Variants in RIMS2 observed in about 807,000 individuals in gnomAD.
The protein encoded by RIMS2 is regulating synaptic membrane exocytosis protein 2.
In RIMS2, 59 loss-of-function variants were observed where a neutral mutation model predicts 174.4. The ratio of observed to expected loss-of-function variants is 0.34; its 90% CI spans 0.27 to 0.42. The LOEUF (loss-of-function observed/expected upper bound fraction) is 0.42. Among genes scored for constraint, RIMS2 ranks in the 10% least tolerant of loss-of-function variants. The pLI is 1.00. For synonymous variants in RIMS2, 606 were observed against 572.5 expected (o/e 1.06, Z -0.84); for missense variants, 1,620 against 1,666.3 (o/e 0.97, Z 0.48).
At chr8:104,017,866 G>A (rs1160400945) in intron 19 of RIMS2, among the ~76,000 whole-genome samples, 4 of 151,842 alleles carry the variant, frequency 2.6e-5, no homozygotes, top group Admixed American at 1.3e-4. Context: ...GCTTGAGCTC[G>A]GGAGTTCAAG....
intron 2 of RIMS2, among the ~76,000 whole-genome samples, chr8:103,760,733 C>T (rs1401967927): frequency 6.6e-6 from 1 of 152,158 alleles, no homozygotes; most frequent in African/African-American, 2.4e-5. Flanking sequence ...GTAATTATAA[C>T]AATATTTGTG....
At chr8:103,795,128 A>G (rs1198111332) in intron 3 of RIMS2, among the ~76,000 whole-genome samples, 4 of 152,232 alleles carry the variant, frequency 2.6e-5, no homozygotes, top group Non-Finnish European at 5.9e-5. Context: ...ATACAGACAC[A>G]TGCACATGTG....
intron 3 of RIMS2, among the ~76,000 whole-genome samples, chr8:103,829,340 T>C (rs977440191): frequency 2.0e-5 from 3 of 152,168 alleles, no homozygotes; most frequent in Non-Finnish European, 4.4e-5. Context: ...TGGAGATTTC[T>C]CAACCCAGCA....
At chr8:103,610,108 G>C (rs1435133214) in intron 1 of RIMS2, among the ~76,000 whole-genome samples, 2 of 152,024 alleles carry the variant, frequency 1.3e-5, no homozygotes, top group Admixed American at 6.6e-5. Context: ...GAATGGAACT[G>C]CATTCTTAAT....
At chr8:104,175,355 G>A (rs527319104) in intron 19 of RIMS2, among the ~76,000 whole-genome samples, 7 of 151,834 alleles carry the variant, frequency 4.6e-5, no homozygotes, top group East Asian at 3.9e-4. Flanking sequence ...TGGGGTACTC[G>A]AGGTATTTAT....
intron 19 of RIMS2, among the ~76,000 whole-genome samples, chr8:104,045,151 A>T (rs1289529386): frequency 6.6e-6 from 1 of 151,828 alleles, no homozygotes; most frequent in Non-Finnish European, 1.5e-5. Context: ...TATGATGGAG[A>T]AATAATTTCA....
At chr8:103,535,709 C>G (rs1839432935) in intron 1 of RIMS2, among the ~76,000 whole-genome samples, 1 of 152,134 alleles carries the variant, frequency 6.6e-6, no homozygotes, top group Admixed American at 6.5e-5. Context: ...TTTCAGGTAG[C>G]TAAATGTGAC....
At chr8:104,223,821 T>C (rs2099168716) in intron 19 of RIMS2, 1 of 1,572,114 alleles carries the variant, frequency 6.4e-7, no homozygotes, top group African/African-American at 1.3e-5. Context: ...CCGTAGTTGG[T>C]GTCTCTATCT....
intron 2 of RIMS2, among the ~76,000 whole-genome samples, chr8:103,709,065 T>C (rs987557806): frequency 2.6e-5 from 4 of 152,202 alleles, no homozygotes; most frequent in Admixed American, 6.5e-5. Flanking sequence ...ATCTGCTGTT[T>C]ATAAAATTCA....
intron 19 of RIMS2, among the ~76,000 whole-genome samples, chr8:104,170,347 T>C (rs1160313466): frequency 3.3e-5 from 5 of 152,060 alleles, no homozygotes; most frequent in Admixed American, 6.6e-5. Context: ...ATTTGGGATC[T>C]CCAGCATTAG....
chr8:103,598,348 T>C (rs546459620), intron 1 of RIMS2, among the ~76,000 whole-genome samples: 2 of 152,332 alleles, frequency 1.3e-5, no homozygotes, highest in African/African-American at 2.4e-5. Context: ...TCTTTTGGTC[T>C]TGTGCTACAT....
At chr8:103,834,718 TTCTTTCTTTCTTTCTTTCTTTCTTTCTC>T (rs2098852256) in intron 3 of RIMS2, among the ~76,000 whole-genome samples, 1 of 127,666 alleles carries the variant, frequency 7.8e-6, no homozygotes, top group African/African-American at 3.6e-5. Context: ...CTTTCTTTCT[TTCTTTCTTTCTTTCTTTCTTTCTTTCTC>T]TCTCTTTCTT....
intron 3 of RIMS2, among the ~76,000 whole-genome samples, chr8:103,809,800 G>A (rs1451805835): frequency 6.6e-6 from 1 of 152,066 alleles, no homozygotes; most frequent in Non-Finnish European, 1.5e-5. Context: ...GACTGTGGAG[G>A]CATATTTGAA....
intron 19 of RIMS2, among the ~76,000 whole-genome samples, chr8:104,118,713 A>G (rs1445100508): frequency 2.0e-5 from 3 of 152,160 alleles, no homozygotes; most frequent in South Asian, 2.1e-4. Flanking sequence ...TCAGGCTGCT[A>G]TAACAAATTG....
At chr8:104,015,692 TA>T (rs1414490367) in intron 19 of RIMS2, among the ~76,000 whole-genome samples, 10 of 152,140 alleles carry the variant, frequency 6.6e-5, no homozygotes, top group African/African-American at 2.4e-5. Flanking sequence ...TAAATTCTTT[TA>T]AATGACCAGA....
chr8:103,697,378 C>A, intron 2 of RIMS2, 82 bp downstream of exon 4: 2 of 1,071,886 alleles, frequency 1.9e-6, no homozygotes, highest in Non-Finnish European at 2.9e-6. Context: ...GTTAATTCAA[C>A]CCAAATAATA....
At position 103,756,979 on chromosome 8, in the gene RIMS2, CTGTGTG is replaced by C. The variant is rs71575983; in HGVS notation, c.388-9221_388-9216del. On this transcript the variant is annotated intron_variant, in intron 2 of 23. Coordinates refer to ENST00000504942, the Ensembl canonical transcript of RIMS2. ...TCCTTTCTCGTATGTGTGTGTGTGT[CTGTGTG>C]TGTGTGTGTGTGTGTGTGTGTGTGT... is the stretch of plus-strand genomic sequence containing the variant. 2.9e-3 allele frequency among the ~76,000 whole-genome samples: 388 copies of C among 135,040 alleles called. 2 individuals are homozygous for C. The highest frequency in any genetic ancestry group is 0.011 in the Middle Eastern group (3 of 264). 88.6% of individuals were successfully genotyped at this position (135,040 alleles called of 152,430 possible).
chr8:103,606,610 C>T (rs1421610276), intron 1 of RIMS2, among the ~76,000 whole-genome samples: 2 of 152,090 alleles, frequency 1.3e-5, no homozygotes, highest in Non-Finnish European at 2.9e-5. Flanking sequence ...GTGTTAAAGT[C>T]TCCCATTATT....
chr8:103,964,497 A>T (rs7357460), intron 15 of RIMS2, among the ~76,000 whole-genome samples: 57,988 of 151,788 alleles, frequency 0.38, 11,767 homozygotes, highest in Non-Finnish European at 0.44. Flanking sequence ...TTGGCCCATT[A>T]TTTTTTAATT....
Sources: gnomAD v4.1 joint callset for allele counts (sites outside exome capture counted in the v4.1 genomes callset) on GRCh38, gnomAD v4.1.1 for gene constraint, MANE v1.5 for transcripts, NCBI Gene and HGNC (gene_info 2026-07-23, HGNC 2026-07-21) for gene names.